Variants in ATP1A1 observed in about 807,000 individuals in gnomAD.
The protein encoded by ATP1A1 is ATPase Na+/K+ transporting subunit alpha 1.
In ATP1A1, 14 loss-of-function variants were observed where a neutral mutation model predicts 114.8. The observed-to-expected ratio is 0.12, with a 90% confidence interval of 0.08 to 0.19. The LOEUF (loss-of-function observed/expected upper bound fraction) is 0.19. Ranked by LOEUF, ATP1A1 falls within the 10% of genes least tolerant of loss-of-function variation. ATP1A1 has a pLI of 1.00. For missense variants in ATP1A1, 524 were observed against 1,290.7 expected (o/e 0.41, Z 9.10); for synonymous variants, 471 against 466.3 (o/e 1.01, Z -0.13).
At chr1:116,394,372 G>C (rs1652729412) in intron 12 of ATP1A1, among the ~76,000 whole-genome samples, 1 of 151,976 alleles carries the variant, frequency 6.6e-6, no homozygotes, top group Admixed American at 6.6e-5. Flanking sequence ...TTCTTAACTT[G>C]GGTAAATCTA....
At position 116,401,669 on chromosome 1, in the gene ATP1A1, C is replaced by G; in HGVS notation, c.2951+14C>G. Reference sequence around the variant, plus strand: ...GTATCCCCTCAAGTAAGTTGATCCTCTGGTAGCTCCAAAAAGTATGAAATA... The same window carrying G: ...GTATCCCCTCAAGTAAGTTGATCCTGTGGTAGCTCCAAAAAGTATGAAATA... On this transcript the variant is annotated intron_variant, in intron 21 of 22. Coordinates refer to ENST00000295598, the MANE Select transcript of ATP1A1 (RefSeq NM_000701.8). This position sits in a 1 kb window ranked among gnomAD's most constrained non-coding sequence, Gnocchi z 4.7. 5.6e-6 allele frequency: 9 copies of G among 1,606,838 alleles called. No individual in the cohort carries two copies. Among genetic ancestry groups the G allele is most frequent in the Non-Finnish European group, 7.7e-6 (9 of 1,173,926 alleles).
In ATP1A1 at chr1:116,382,769, G is replaced by A. The variant is rs140087785; in HGVS notation, c.13-1245G>A. ...GATTTTCTTTTTTCATTTCAGCACA[G>A]TGAAATTATAATCTGGACACGAGTT... On this transcript the variant is annotated intron_variant, in intron 1 of 22. Transcript: ENST00000295598. Among the ~76,000 whole-genome samples the A allele has an allele frequency of 1.6e-4, 24 of 152,352 alleles. No homozygotes were observed. In the East Asian group the frequency reaches 2.9e-3, roughly 18 times the overall value.
intron 21 of ATP1A1, among the ~76,000 whole-genome samples, chr1:116,402,791 G>A (rs896681612): frequency 6.6e-6 from 1 of 152,210 alleles, no homozygotes; most frequent in Non-Finnish European, 1.5e-5. Context: ...TGTCCCTCCA[G>A]GGCCTGTGCA....
chr1:116,403,671 T>G, intron 21 of ATP1A1, among the ~76,000 whole-genome samples: 1 of 152,232 alleles, frequency 6.6e-6, no homozygotes, highest in East Asian at 1.9e-4. Flanking sequence ...CAGACTGATT[T>G]CCTCTGCGTC....
Position 116,385,264 on chromosome 1 carries a change from T to C in ATP1A1, c.183+422T>C, listed in dbSNP as rs935453070. 1.7e-5 allele frequency: 3 copies of C among 178,818 alleles called. No homozygotes were observed. Among genetic ancestry groups the C allele is most frequent in the African/African-American group, 4.8e-5 (2 of 41,644 alleles). The allele number at this position is 178,818 out of a possible 1,614,324, so 11.1% of individuals were successfully genotyped here. ...CCAGCTAGCCCATTGCAGTGTGTTA[T>C]GGTTATACTATCATTTGTTTAGTTA... On this transcript the variant is annotated intron_variant, in intron 3 of 22. Coordinates refer to ENST00000295598, the MANE Select transcript of ATP1A1 (RefSeq NM_000701.8). This position sits in a 1 kb window ranked among gnomAD's most constrained non-coding sequence, Gnocchi z 4.3.
At position 116,392,324 on chromosome 1, in the gene ATP1A1, A is replaced by G. The variant is rs549405459; in HGVS notation, c.1333-530A>G. 4 of 152,396 alleles carry G rather than the reference A, an allele frequency of 2.6e-5. No homozygotes were observed. The East Asian group carries it at 5.8e-4, about 22-fold the overall frequency. 9.4% of individuals were successfully genotyped at this position (152,396 alleles called of 1,614,324 possible). A position where few individuals can be genotyped will look rare whatever the true frequency, so the allele number is the denominator to read the frequency against. On this transcript the variant is annotated intron_variant, in intron 10 of 22. Coordinates refer to ENST00000295598, the MANE Select transcript of ATP1A1 (RefSeq NM_000701.8). ...CCTTCAGGCCCAGTTAATTTTGCAC[A>G]GTTATGATTAGAATGCACAGTCTTC... is the stretch of plus-strand genomic sequence containing the variant.
chr1:116,389,754 A>G lies in ATP1A1; in HGVS notation c.1023+47A>G. On this transcript the variant is annotated intron_variant, in intron 8 of 22. Coordinates refer to ENST00000295598, the MANE Select transcript of ATP1A1 (RefSeq NM_000701.8). The surrounding 1 kb of genome is among the most constrained non-coding windows in gnomAD (Gnocchi z 6.9). ...CCCTGACTCAGATCAGCTTGCACGAATGTTACACTCTTCCGCTATCCTATT... is the reference window on the plus strand; with the variant it reads ...CCCTGACTCAGATCAGCTTGCACGAGTGTTACACTCTTCCGCTATCCTATT... 6.2e-7 allele frequency: 1 copy of G among 1,608,472 alleles called. No homozygotes were observed. The highest frequency in any genetic ancestry group is 8.5e-7 in the Non-Finnish European group (1 of 1,175,930).
rs1402636761 is a variant in ATP1A1 at position 116,374,342 on chromosome 1, T to G, written c.12+819T>G. The G allele has an allele frequency of 4.6e-6, 7 of 1,531,830 alleles. No individual in the cohort carries two copies. The South Asian group carries it at 6.0e-5, about 13-fold the overall frequency. 94.9% of individuals were successfully genotyped at this position (1,531,830 alleles called of 1,614,324 possible). A position where few individuals can be genotyped will look rare whatever the true frequency, so the allele number is the denominator to read the frequency against. On this transcript the variant is annotated intron_variant, in intron 1 of 22. Transcript: ENST00000295598. ...GATGGTGGGGAGAGGCGTGCAGATTTTTTTTGAAGGGACGAGCCCTGAAGG... is the reference window on the plus strand; with the variant it reads ...GATGGTGGGGAGAGGCGTGCAGATTGTTTTTGAAGGGACGAGCCCTGAAGG...
chr1:116,404,475 G>A lies in ATP1A1; in HGVS notation c.*31G>A. ...CGTCCTGCACGCCGTGGAGCATCAG[G>A]CCACACACTCTGCATCCGACACCCA... On this transcript the variant is annotated 3_prime_UTR_variant, in exon 23 of 23. Coordinates refer to ENST00000295598, the MANE Select transcript of ATP1A1 (RefSeq NM_000701.8). The surrounding 1 kb of genome is among the most constrained non-coding windows in gnomAD (Gnocchi z 4.8). The A allele has an allele frequency of 6.3e-7, 1 of 1,598,650 alleles. No individual in the cohort carries two copies.
At chr1:116,403,751 T>A (rs940775131) in intron 21 of ATP1A1, 133 bp from the exon 22 acceptor site, 18 of 728,678 alleles carry the variant, frequency 2.5e-5, no homozygotes, top group African/African-American at 2.3e-4. Context: ...AATGACTCAG[T>A]AGTTAACTGT....
chr1:116,374,095 T>C (rs1651189117), intron 1 of ATP1A1: 7 of 1,452,252 alleles, frequency 4.8e-6, no homozygotes, highest in Non-Finnish European at 6.4e-6. Flanking sequence ...GGGCTCCTTC[T>C]CCTGGGGACG....
chr1:116,390,576 T>C (rs1652387087), intron 9 of ATP1A1, among the ~76,000 whole-genome samples, 165 bp downstream of exon 9: 2 of 147,180 alleles, frequency 1.4e-5, no homozygotes, highest in Non-Finnish European at 2.9e-5. Flanking sequence ...GTCAAGGGTA[T>C]GGGATATTGA....
At chr1:116,390,006 C>T (rs1370596442) in intron 8 of ATP1A1, 39 of 663,078 alleles carry the variant, frequency 5.9e-5, no homozygotes, top group Non-Finnish European at 2.5e-6. Flanking sequence ...ATGGTAGAAT[C>T]CTGTTATTAT....
rs1308586255 is a variant in ATP1A1, at chr1:116,384,304, A to G, written c.123+180A>G. On this transcript the variant is annotated intron_variant, in intron 2 of 22. Transcript: ENST00000295598. This position sits in a 1 kb window ranked among gnomAD's most constrained non-coding sequence, Gnocchi z 5.1. ...ACATATACTTTTTAAAAGCTGTTAG[A>G]GGGTAGGAAAAGTTATTCAGTCACT... Among the ~76,000 whole-genome samples, 1 of 152,204 alleles carries G rather than the reference A, an allele frequency of 6.6e-6. No individual in the cohort carries two copies. Among genetic ancestry groups the G allele is most frequent in the Admixed American group, 6.5e-5 (1 of 15,288 alleles).
chr1:116,392,577 C>G, intron 10 of ATP1A1: 1 of 314,626 alleles, frequency 3.2e-6, no homozygotes, highest in Non-Finnish European at 5.8e-6. Context: ...GTGTTAATAC[C>G]TCTTCTAGGG....
In ATP1A1 at chr1:116,393,965, T is replaced by C. The variant is rs746580817; in HGVS notation, c.1660+242T>C. ...ACGTCCTGATGGTTTGCTTCTGACT[T>C]GTACTTAGACCTTTGGTCTCATGCT... On this transcript the variant is annotated intron_variant, in intron 12 of 22. Coordinates refer to ENST00000295598, the MANE Select transcript of ATP1A1 (RefSeq NM_000701.8). The surrounding 1 kb of genome is among the most constrained non-coding windows in gnomAD (Gnocchi z 5.0). Among the ~76,000 whole-genome samples the C allele has an allele frequency of 5.3e-5, 8 of 152,240 alleles. No homozygotes were observed. Among genetic ancestry groups the C allele is most frequent in the Admixed American group, 3.3e-4 (5 of 15,290 alleles).
chr1:116,379,967 C>A (rs370045519), intron 1 of ATP1A1, among the ~76,000 whole-genome samples: 1 of 152,174 alleles, frequency 6.6e-6, no homozygotes, highest in Non-Finnish European at 1.5e-5. Flanking sequence ...TTGGCAACTC[C>A]GAAATGGGCT....
chr1:116,404,027 GTTC>G lies in ATP1A1; in HGVS notation c.3043+54_3043+56del. On this transcript the variant is annotated intron_variant, in intron 22 of 22. Transcript: ENST00000295598. The surrounding 1 kb of genome is among the most constrained non-coding windows in gnomAD (Gnocchi z 4.8). ...TGGAGGAGGAGTGGGAGGGGCTATA[GTTC>G]TATTGGTTTTTTGTTTCCCTCAAGG... 1 of 1,552,724 alleles carries G rather than the reference GTTC, an allele frequency of 6.4e-7. No homozygotes were observed. The highest frequency in any genetic ancestry group is 8.8e-7 in the Non-Finnish European group (1 of 1,130,790).
chr1:116,376,060 A>G (rs1651344112), intron 1 of ATP1A1, among the ~76,000 whole-genome samples: 1 of 152,100 alleles, frequency 6.6e-6, no homozygotes, highest in Admixed American at 6.5e-5. Context: ...AGCTAGGCCT[A>G]CCACCGGCAA....
Sources: gnomAD v4.1 joint callset for allele counts (sites outside exome capture counted in the v4.1 genomes callset) on GRCh38, gnomAD v4.1.1 for gene constraint, Gnocchi (gnomAD v3.1) non-coding constraint, MANE v1.5 for transcripts, NCBI Gene and HGNC (gene_info 2026-07-23, HGNC 2026-07-21) for gene names.